Variants in KLF12 observed in about 807,000 individuals in gnomAD.
KLF12 encodes KLF transcription factor 12, also known as Krueppel-like factor 12.
KLF12 carries 9 observed loss-of-function variants against 37.8 expected under a neutral mutation model. That is an observed-to-expected ratio of 0.24 (90% CI 0.14 to 0.42). The LOEUF (loss-of-function observed/expected upper bound fraction) is 0.42, where lower values mean the gene tolerates loss of function less well. KLF12 is among the 10% of genes least tolerant of loss of function. KLF12 has a pLI of 1.00. For missense variants in KLF12, 411 were observed against 516.0 expected (o/e 0.80, Z 1.97); for synonymous variants, 208 against 202.1 (o/e 1.03, Z -0.25).
At position 73,715,450 on chromosome 13, in the gene KLF12, A is replaced by C; in HGVS notation, c.945T>G (p.Arg315=). Reference sequence around the variant, plus strand: ...ATCCCTCAAAATCACATCTGTGGATACGCCGTTTTCTGGAGTCTGGGGATT... The same window carrying C: ...ATCCCTCAAAATCACATCTGTGGATCCGCCGTTTTCTGGAGTCTGGGGATT... Residue 315 remains arginine, a synonymous_variant, in exon 7 of 8, where the codon CGT becomes CGG. Transcript: ENST00000377669. The C allele has an allele frequency of 6.2e-7, 1 of 1,614,098 alleles. No homozygotes were observed. Among genetic ancestry groups the C allele is most frequent in the Middle Eastern group, 1.7e-4 (1 of 6,060 alleles).
At chr13:73,738,134 CACAT>C (rs1198706708) in intron 6 of KLF12, among the ~76,000 whole-genome samples, 3 of 94,938 alleles carry the variant, frequency 3.2e-5, no homozygotes, top group African/African-American at 1.3e-4. Flanking sequence ...TACACACACA[CACAT>C]ATATATACAC....
chr13:73,934,873 T>G (rs1889852593), intron 3 of KLF12, among the ~76,000 whole-genome samples: 2 of 152,070 alleles, frequency 1.3e-5, no homozygotes, highest in African/African-American at 4.8e-5. Context: ...CACAGCTGCT[T>G]ACTGAAGCTC....
the KLF12 span, among the ~76,000 whole-genome samples, chr13:74,167,331 C>T: frequency 6.6e-6 from 1 of 152,114 alleles, no homozygotes; most frequent in African/African-American, 2.4e-5. Flanking sequence ...GGGGATAGGA[C>T]AGAAGAATAG....
At chr13:74,035,996 C>T (rs1453765694) in intron 1 of KLF12, among the ~76,000 whole-genome samples, 2 of 152,108 alleles carry the variant, frequency 1.3e-5, no homozygotes, top group African/African-American at 4.8e-5. Flanking sequence ...GGACTTGAAC[C>T]CAGGATGTCT....
chr13:73,962,738 G>A (rs1891058018), intron 2 of KLF12, among the ~76,000 whole-genome samples: 1 of 151,978 alleles, frequency 6.6e-6, no homozygotes, highest in Non-Finnish European at 1.5e-5. Context: ...TCTGTACCAT[G>A]GTCTCCAAAA....
chr13:73,828,766 T>C (rs561019019), intron 4 of KLF12, among the ~76,000 whole-genome samples: 1 of 152,370 alleles, frequency 6.6e-6, no homozygotes, highest in South Asian at 2.1e-4. Context: ...CTGTGATAAC[T>C]ACATACATGA....
intron 7 of KLF12, 115 bp downstream of exon 7, chr13:73,715,253 G>A: frequency 1.3e-6 from 1 of 757,900 alleles, no homozygotes. Flanking sequence ...TAGAAGGAGG[G>A]AACTGGACTT....
chr13:73,824,192 G>A (rs186570636), intron 4 of KLF12, among the ~76,000 whole-genome samples: 26 of 151,992 alleles, frequency 1.7e-4, no homozygotes, highest in Non-Finnish European at 3.7e-4. Flanking sequence ...CGTATACACA[G>A]AGAACATTTC....
intron 4 of KLF12, among the ~76,000 whole-genome samples, chr13:73,831,025 C>CACACAT (rs1555311663): frequency 0.29 from 41,044 of 141,454 alleles, 6,238 homozygotes; most frequent in Non-Finnish European, 0.37. Flanking sequence ...CACACACACA[C>CACACAT]GCATACTTAT....
chr13:73,755,267 T>C (rs760258445), intron 6 of KLF12, among the ~76,000 whole-genome samples: 2 of 152,214 alleles, frequency 1.3e-5, no homozygotes, highest in Non-Finnish European at 2.9e-5. Context: ...TGGAGAGATT[T>C]CTATTTTACA....
intron 1 of KLF12, among the ~76,000 whole-genome samples, chr13:74,050,716 C>A (rs1317829117): frequency 6.6e-6 from 1 of 152,264 alleles, no homozygotes; most frequent in East Asian, 1.9e-4. Flanking sequence ...CAAACATCAA[C>A]AAATGAAATT....
chr13:74,141,750 T>C, the KLF12 span, among the ~76,000 whole-genome samples: 1 of 152,192 alleles, frequency 6.6e-6, no homozygotes, highest in Admixed American at 6.5e-5. Context: ...ATCAACTGTA[T>C]CTCTGCTTAT....
chr13:73,889,989 A>C (rs1408212951), intron 3 of KLF12, among the ~76,000 whole-genome samples: 1 of 152,130 alleles, frequency 6.6e-6, no homozygotes, highest in Non-Finnish European at 1.5e-5. Flanking sequence ...ATATGACTAA[A>C]TTACAAATAT....
At chr13:74,106,252 G>C (rs1452147131) in intron 1 of KLF12, among the ~76,000 whole-genome samples, 1 of 152,144 alleles carries the variant, frequency 6.6e-6, no homozygotes, top group East Asian at 1.9e-4. Context: ...TGATAACACA[G>C]GTAATTCAAC....
the KLF12 span, among the ~76,000 whole-genome samples, chr13:74,250,715 GC>G: frequency 6.6e-6 from 1 of 152,016 alleles, no homozygotes; most frequent in Non-Finnish European, 1.5e-5. Context: ...AAAGATCAAG[GC>G]TGTTTAGGAA....
chr13:73,957,852 T>TTA (rs1890891296), intron 2 of KLF12, among the ~76,000 whole-genome samples: 2 of 152,162 alleles, frequency 1.3e-5, no homozygotes, highest in Non-Finnish European at 2.9e-5. Flanking sequence ...GGAAGGGTGC[T>TTA]CTTTATAAAA....
In KLF12 at chr13:73,690,396, C is replaced by A. The variant is rs1008582260; in HGVS notation, c.*5094G>T. 1 of 152,160 alleles carries A rather than the reference C, an allele frequency of 6.6e-6. No individual in the cohort carries two copies. Among genetic ancestry groups the A allele is most frequent in the Non-Finnish European group, 1.5e-5 (1 of 68,024 alleles). 9.4% of individuals were successfully genotyped at this position (152,160 alleles called of 1,614,324 possible). On this transcript the variant is annotated 3_prime_UTR_variant, in exon 8 of 8. Transcript: ENST00000377669. ...CCCTGGAATAAAACAAGAATAAACA[C>A]CTGTATGGTTGTTCACACTCTGTTG...
chr13:73,813,698 G>A (rs537256657), intron 4 of KLF12, among the ~76,000 whole-genome samples: 4 of 152,194 alleles, frequency 2.6e-5, no homozygotes, highest in African/African-American at 7.2e-5. Context: ...GAGAGCATGC[G>A]GAAAGGAGAT....
At chr13:73,966,310 C>T (rs1044129992) in intron 2 of KLF12, among the ~76,000 whole-genome samples, 2 of 150,946 alleles carry the variant, frequency 1.3e-5, no homozygotes, top group African/African-American at 4.9e-5. Flanking sequence ...GGTAGCTTTA[C>T]TTTTCTCTCT....
Sources: gnomAD v4.1 joint callset for allele counts (sites outside exome capture counted in the v4.1 genomes callset) on GRCh38, gnomAD v4.1.1 for gene constraint, MANE v1.5 for transcripts, NCBI Gene and HGNC (gene_info 2026-07-23, HGNC 2026-07-21) for gene names.